PCDH18: variants seen among roughly 807,000 people sequenced by gnomAD.
PCDH18 encodes the protein protocadherin-18.
Under a neutral mutation model 71.5 loss-of-function variants are expected in PCDH18, and 38 were observed. The ratio of observed to expected loss-of-function variants is 0.53; its 90% CI spans 0.41 to 0.70. The LOEUF (loss-of-function observed/expected upper bound fraction) is 0.70. Ranked by LOEUF, PCDH18 falls within the 30% of genes least tolerant of loss-of-function variation. The probability of loss-of-function intolerance (pLI) is 0.00; values close to 1 mark genes in which losing one functional copy is unlikely to be tolerated. For synonymous variants in PCDH18, 565 were observed against 505.4 expected (o/e 1.12, Z -1.58); for missense variants, 1,334 against 1,384.6 (o/e 0.96, Z 0.58).
In PCDH18 at chr4:137,530,123, C is replaced by T; in HGVS notation, c.1966G>A (p.Val656Ile). The change falls in exon 1 of 4, where the codon GTT (valine) becomes ATT (isoleucine). Residue 656 changes from valine (V) to isoleucine (I), a missense_variant. By Grantham distance (29) the Val-to-Ile change is conservative (BLOSUM62 3). Around this residue, in one of 3 missense-constraint regions of PCDH18, gnomAD observed 1,011 missense variants for 1,048.0 expected, o/e 0.96. Transcript: ENST00000344876. ...GGATTGCCTTTGTCCTGAATGATAA[C>T]TGACAGCTCCCATTCTGTGTAGGGA... ...SVPYTEWELS[V>I]IIQDKGNPQL... 1 of 1,613,152 alleles carries T rather than the reference C, an allele frequency of 6.2e-7. No homozygotes were observed. The highest frequency in any genetic ancestry group is 8.5e-7 in the Non-Finnish European group (1 of 1,179,200).
At chr4:137,526,371 TAATGA>T (rs1238174022) in intron 3 of PCDH18, among the ~76,000 whole-genome samples, 1 of 152,122 alleles carries the variant, frequency 6.6e-6, no homozygotes, top group Non-Finnish European at 1.5e-5. Flanking sequence ...CTTTTCTGTT[TAATGA>T]AATGAAATTA....
rs751095988 is a variant in PCDH18, at chr4:137,532,129, C to G, written c.-41G>C. ...ATTTCCCTCACAGAGCAAGTTAAAA[C>G]AGCAAAGCAATTGCCTCAACTTCCT... On this transcript the variant is annotated 5_prime_UTR_variant, in exon 1 of 4. Coordinates refer to ENST00000344876, the MANE Select transcript of PCDH18 (RefSeq NM_019035.5). The G allele has an allele frequency of 3.3e-6, 5 of 1,512,590 alleles. No individual in the cohort carries two copies. The highest frequency in any genetic ancestry group is 2.7e-5 in the African/African-American group (2 of 72,834). 93.7% of individuals were successfully genotyped at this position (1,512,590 alleles called of 1,614,324 possible). A position where few individuals can be genotyped will look rare whatever the true frequency, so the allele number is the denominator to read the frequency against.
Position 137,530,334 on chromosome 4 carries a change from C to T in PCDH18, c.1755G>A (p.Thr585=), listed in dbSNP as rs758076677. ...CCCCTTTGGGAATGGTGATTTCTGCCGTATTATTACGCAATGCAGGCCCTA... is the reference window on the plus strand; with the variant it reads ...CCCCTTTGGGAATGGTGATTTCTGCTGTATTATTACGCAATGCAGGCCCTA... The part of the protein sequence containing the change: ...VVIGPALRNN[T]AEITIPKGAE... The change falls in exon 1 of 4, where the codon ACG becomes ACA. Residue 585 remains threonine, a synonymous_variant. Coordinates refer to ENST00000344876, the MANE Select transcript of PCDH18 (RefSeq NM_019035.5). 5.0e-6 allele frequency: 8 copies of T among 1,613,036 alleles called. No homozygotes were observed. Among genetic ancestry groups the T allele is most frequent in the Admixed American group, 1.7e-5 (1 of 59,946 alleles).
Position 137,532,350 on chromosome 4 carries a change from C to G in PCDH18, c.-262G>C. On this transcript the variant is annotated 5_prime_UTR_variant, in exon 1 of 4. Transcript: ENST00000344876. ...TCCAGGCAGGAGAGTGTCACCTCCG[C>G]GTTTTCTCCCTTGTGTAGTCGGAAT... is the stretch of plus-strand genomic sequence containing the variant. The G allele has an allele frequency of 1.4e-6, 1 of 702,426 alleles. No homozygotes were observed. The highest frequency in any genetic ancestry group is 2.6e-6 in the Non-Finnish European group (1 of 384,952). 43.5% of individuals were successfully genotyped at this position (702,426 alleles called of 1,614,324 possible).
intron 3 of PCDH18, 134 bp downstream of exon 3, chr4:137,528,344 T>C: frequency 1.5e-6 from 1 of 689,428 alleles, no homozygotes; most frequent in Non-Finnish European, 2.5e-6. Flanking sequence ...GTGATGAACA[T>C]ACTATAAAAC....
At position 137,530,806 on chromosome 4, in the gene PCDH18, C is replaced by T. The variant is rs1731658969; in HGVS notation, c.1283G>A (p.Arg428Lys). Reference protein sequence around the residue: ...LTNATLDREKRSEYSLTVIAE... With the variant: ...LTNATLDREKKSEYSLTVIAE... ...GATTACAGTCAAACTATACTCAGAT[C>T]TCTTTTCTCTATCCAGTGTGGCATT... Residue 428 changes from arginine (R) to lysine (K), a missense_variant, in exon 1 of 4, where the codon AGA becomes AAA. By Grantham distance (26) the Arg-to-Lys change is conservative. This residue lies in a region of PCDH18 where 1,011 missense variants were observed against 1,048.0 expected (regional missense o/e 0.96). Transcript: ENST00000344876. The T allele has an allele frequency of 6.2e-7, 1 of 1,611,922 alleles. No homozygotes were observed. Among genetic ancestry groups the T allele is most frequent in the Non-Finnish European group, 8.5e-7 (1 of 1,178,158 alleles).
chr4:137,527,715 T>C (rs1217843773), intron 3 of PCDH18, among the ~76,000 whole-genome samples: 2 of 152,224 alleles, frequency 1.3e-5, no homozygotes, highest in African/African-American at 2.4e-5. Flanking sequence ...TTCCTAAGGT[T>C]GATTTAATAT....
intron 3 of PCDH18, among the ~76,000 whole-genome samples, chr4:137,523,675 A>G (rs141207560): frequency 6.6e-6 from 1 of 152,290 alleles, no homozygotes; most frequent in African/African-American, 2.4e-5. Context: ...TTGTAAGAAT[A>G]CTGAAAATGA....
In PCDH18 at chr4:137,519,831, C is replaced by T. The variant is rs975136201; in HGVS notation, c.*1198G>A. 3.9e-5 allele frequency: 6 copies of T among 152,522 alleles called. No individual in the cohort carries two copies. Among genetic ancestry groups the T allele is most frequent in the Non-Finnish European group, 7.3e-5 (5 of 68,030 alleles). The allele number at this position is 152,522 out of a possible 1,614,324, so 9.4% of individuals were successfully genotyped here. ...AAATGATAATAGTCATAATAAGCATCTCTCTCACCAAGGCATTCCACACAG... is the reference window on the plus strand; with the variant it reads ...AAATGATAATAGTCATAATAAGCATTTCTCTCACCAAGGCATTCCACACAG... On this transcript the variant is annotated 3_prime_UTR_variant, in exon 4 of 4. Transcript: ENST00000344876.
At chr4:137,523,944 C>CA in intron 3 of PCDH18, among the ~76,000 whole-genome samples, 1 of 152,058 alleles carries the variant, frequency 6.6e-6, no homozygotes, top group South Asian at 2.1e-4. Flanking sequence ...GGAAGGATGG[C>CA]AAAAATAAGA....
intron 3 of PCDH18, among the ~76,000 whole-genome samples, chr4:137,521,972 G>C (rs917792226): frequency 6.6e-6 from 1 of 152,094 alleles, no homozygotes; most frequent in Non-Finnish European, 1.5e-5. Flanking sequence ...AAGATGGGTT[G>C]ATAAAGTATA....
rs142987613 is a variant in PCDH18 at position 137,523,017 on chromosome 4, C to T, written c.2741-1321G>A. 3.6e-3 allele frequency among the ~76,000 whole-genome samples: 547 copies of T among 152,206 alleles called. 5 individuals carry two copies. Among genetic ancestry groups the T allele is most frequent in the African/African-American group, 0.012 (507 of 41,540 alleles). Reference sequence around the variant, plus strand: ...TTGAGATAATTCTGTTCTTAAACTGCAAGAGTCCCAAATATGGACCTCAAG... The same window carrying T: ...TTGAGATAATTCTGTTCTTAAACTGTAAGAGTCCCAAATATGGACCTCAAG... On this transcript the variant is annotated intron_variant, in intron 3 of 3. Transcript: ENST00000344876.
rs1731297650 is a variant in PCDH18 at position 137,521,468 on chromosome 4, G to A, written c.2969C>T (p.Ser990Phe). 1 of 1,614,034 alleles carries A rather than the reference G, an allele frequency of 6.2e-7. No individual in the cohort carries two copies. Among genetic ancestry groups the A allele is most frequent in the Non-Finnish European group, 8.5e-7 (1 of 1,180,024 alleles). ...ATCCCCAGTGTCCTCATCGTTTGGG[G>A]AGTCCTTTCCAAAGGTGGAAAAACT... ...KKSFSTFGKD[S>F]PNDEDTGDTS... Residue 990 changes from serine (S) to phenylalanine (F), a missense_variant, in exon 4 of 4, where the codon TCC becomes TTC. Physicochemically the swap from Ser to Phe is radical, Grantham distance 155. This residue lies in a region of PCDH18 where 319 missense variants were observed against 316.3 expected (regional missense o/e 1.01). Transcript: ENST00000344876.
Position 137,529,830 on chromosome 4 carries a change from C to A in PCDH18, c.2259G>T (p.Gln753His). 1 of 1,610,964 alleles carries A rather than the reference C, an allele frequency of 6.2e-7. No individual in the cohort carries two copies. The highest frequency in any genetic ancestry group is 1.3e-5 in the African/African-American group (1 of 74,996). Reference sequence around the variant, plus strand: ...CCAATGTGATGTCCCCTTTGTGAATCTGCCGGGATGGCCTTTTTGGGTGGT... The same window carrying A: ...CCAATGTGATGTCCCCTTTGTGAATATGCCGGGATGGCCTTTTTGGGTGGT... Reference protein sequence around the residue: ...YQHHPKRPSRQIHKGDITLVP... With the variant: ...YQHHPKRPSRHIHKGDITLVP... Residue 753 changes from glutamine to histidine, a missense_variant, in exon 1 of 4, where the codon CAG (glutamine) becomes CAT (histidine). Physicochemically the swap from Gln to His is conservative, Grantham distance 24 (BLOSUM62 0). This residue lies in a region of PCDH18 where 1,011 missense variants were observed against 1,048.0 expected (regional missense o/e 0.96). Coordinates refer to ENST00000344876, the MANE Select transcript of PCDH18 (RefSeq NM_019035.5).
intron 3 of PCDH18, among the ~76,000 whole-genome samples, chr4:137,522,317 T>C (rs2149212016): frequency 6.6e-6 from 1 of 152,298 alleles, no homozygotes. Context: ...ATTCAAAATA[T>C]ATTTATATTC....
At chr4:137,523,529 G>A (rs754984385) in intron 3 of PCDH18, among the ~76,000 whole-genome samples, 1 of 151,672 alleles carries the variant, frequency 6.6e-6, no homozygotes, top group Admixed American at 6.6e-5. Flanking sequence ...CTCATATCCT[G>A]TCAGAAGGAA....
At chr4:137,526,981 TAGA>T (rs1731482837) in intron 3 of PCDH18, among the ~76,000 whole-genome samples, 1 of 126,638 alleles carries the variant, frequency 7.9e-6, no homozygotes, top group African/African-American at 3.0e-5. Context: ...AAAAAAAAAA[TAGA>T]AGCCTGTTAC....
chr4:137,521,698 T>TG lies in PCDH18; in HGVS notation c.2741-3dup. On this transcript the variant is annotated splice_region_variant and splice_polypyrimidine_tract_variant and intron_variant, in intron 3 of 3. Coordinates refer to ENST00000344876, the MANE Select transcript of PCDH18 (RefSeq NM_019035.5). ...ACTCCTCCGTGCAGAGTCTCATAGC[T>TG]GCACTCAAGAAAAACAGTGGGGATT... 1 of 1,588,092 alleles carries TG rather than the reference T, an allele frequency of 6.3e-7. No individual in the cohort carries two copies. Among genetic ancestry groups the TG allele is most frequent in the Non-Finnish European group, 8.6e-7 (1 of 1,167,096 alleles).
In PCDH18 at chr4:137,531,428, T is replaced by C; in HGVS notation, c.661A>G (p.Met221Val). 1 of 1,613,260 alleles carries C rather than the reference T, an allele frequency of 6.2e-7. No individual in the cohort carries two copies. The highest frequency in any genetic ancestry group is 8.5e-7 in the Non-Finnish European group (1 of 1,179,626). ...SYELQLTASD[M>V]GVPQRSGSSI... ...GAGCCAGACCTCTGAGGTACTCCCA[T>C]GTCTGAGGCAGTGAGCTGAAGCTCG... The change falls in exon 1 of 4, where the codon ATG becomes GTG. Residue 221 changes from methionine to valine, a missense_variant. Met to Val is a conservative substitution (Grantham distance 21, BLOSUM62 1). Transcript: ENST00000344876.
Sources: gnomAD v4.1 joint callset for allele counts (sites outside exome capture counted in the v4.1 genomes callset) on GRCh38, gnomAD v4.1.1 for gene constraint, gnomAD v4.1.1 regional missense constraint, MANE v1.5 for transcripts, NCBI Gene and HGNC (gene_info 2026-07-23, HGNC 2026-07-21) for gene names.